MALRD1: variants seen among roughly 807,000 people sequenced by gnomAD.
MALRD1 encodes MAM and LDL-receptor class A domain-containing protein 1.
MALRD1 carries 247 observed loss-of-function variants against 242.1 expected under a neutral mutation model. That is an observed-to-expected ratio of 1.02 (90% CI 0.92 to 1.13). The LOEUF (loss-of-function observed/expected upper bound fraction) is 1.13, where lower values mean the gene tolerates loss of function less well. MALRD1 is among the 50% of genes most tolerant of loss of function. The pLI is 0.00. For synonymous variants in MALRD1, 995 were observed against 866.6 expected (o/e 1.15, Z -2.60); for missense variants, 2,989 against 2,533.1 (o/e 1.18, Z -3.86).
At chr10:19,066,975 A>T (rs1835000182) in intron 2 of MALRD1, 116 bp downstream of exon 2, 1 of 706,116 alleles carries the variant, frequency 1.4e-6, no homozygotes, top group East Asian at 3.4e-5. Context: ...CACATGTTTA[A>T]TTAGGGAAGC....
In MALRD1 at chr10:19,331,366, T is replaced by G. The variant is rs768048343; in HGVS notation, c.3688-3T>G. 5 of 1,549,128 alleles carry G rather than the reference T, an allele frequency of 3.2e-6. No individual in the cohort carries two copies. In the East Asian group the frequency reaches 1.2e-4, roughly 38 times the overall value. On this transcript the variant is annotated splice_region_variant and splice_polypyrimidine_tract_variant and intron_variant, in intron 23 of 39. Coordinates refer to ENST00000454679, the MANE Select transcript of MALRD1 (RefSeq NM_001142308.3). The stretch of plus-strand genomic sequence containing the variant: ...TTTAACTGTAACTGGCTTTTTTTTT[T>G]AGATTGTCTTCAGAGCCAAACGTGG...
chr10:19,284,280 T>A (rs1463591468), intron 21 of MALRD1, among the ~76,000 whole-genome samples: 1 of 151,970 alleles, frequency 6.6e-6, no homozygotes, highest in African/African-American at 2.4e-5. Context: ...CTTTAAGTTT[T>A]AGGGTACATG....
intron 29 of MALRD1, among the ~76,000 whole-genome samples, chr10:19,482,361 A>T (rs1021439057): frequency 5.9e-5 from 9 of 152,072 alleles, no homozygotes; most frequent in Non-Finnish European, 1.0e-4. Context: ...TCATGTATTA[A>T]AAAGCTAAAA....
intron 21 of MALRD1, among the ~76,000 whole-genome samples, chr10:19,287,499 TG>T (rs1276466580): frequency 6.6e-6 from 1 of 152,092 alleles, no homozygotes; most frequent in African/African-American, 2.4e-5. Context: ...GCATGATGAT[TG>T]TTTCCTTTGT....
chr10:19,539,125 G>C (rs1003707050), intron 32 of MALRD1, among the ~76,000 whole-genome samples: 7 of 152,148 alleles, frequency 4.6e-5, no homozygotes, highest in African/African-American at 1.4e-4. Context: ...GACTTAATAA[G>C]ATCAGATGGT....
At chr10:19,695,605 C>A (rs1833345518) in intron 38 of MALRD1, among the ~76,000 whole-genome samples, 1 of 151,632 alleles carries the variant, frequency 6.6e-6, no homozygotes. Flanking sequence ...CTGCCACCTC[C>A]ACCACCTGAG....
intron 1 of MALRD1, among the ~76,000 whole-genome samples, chr10:19,062,357 GA>G (rs953153496): frequency 1.7e-4 from 26 of 152,132 alleles, no homozygotes; most frequent in African/African-American, 6.3e-4. Flanking sequence ...AGCCACTTTT[GA>G]AAACAGATGG....
At chr10:19,495,722 G>A (rs1837685011) in intron 30 of MALRD1, among the ~76,000 whole-genome samples, 1 of 152,132 alleles carries the variant, frequency 6.6e-6, no homozygotes, top group South Asian at 2.1e-4. Context: ...TCCATGCATT[G>A]TCATGTTAAC....
chr10:19,306,013 ATATT>A (rs1243713687), intron 21 of MALRD1, among the ~76,000 whole-genome samples: 6 of 116,622 alleles, frequency 5.1e-5, no homozygotes, highest in Admixed American at 1.0e-4. Flanking sequence ...ATTATACTAT[ATATT>A]ATATATACTA....
At chr10:19,712,778 A>C (rs530034287) in intron 38 of MALRD1, among the ~76,000 whole-genome samples, 78 of 152,346 alleles carry the variant, frequency 5.1e-4, no homozygotes, top group Non-Finnish European at 8.5e-4. Flanking sequence ...GGAAACTCGG[A>C]GATATCACAT....
At chr10:19,229,781 A>G (rs994809599) in intron 18 of MALRD1, among the ~76,000 whole-genome samples, 1 of 152,008 alleles carries the variant, frequency 6.6e-6, no homozygotes, top group South Asian at 2.1e-4. Context: ...TGTAACCTCT[A>G]TATCTGCTGT....
At chr10:19,562,103 C>T (rs1394480804) in intron 32 of MALRD1, among the ~76,000 whole-genome samples, 1 of 152,110 alleles carries the variant, frequency 6.6e-6, no homozygotes, top group East Asian at 1.9e-4. Flanking sequence ...CAAGACCAGC[C>T]TGGCCAAGAT....
intron 38 of MALRD1, among the ~76,000 whole-genome samples, chr10:19,725,356 C>G (rs1322479639): frequency 2.0e-5 from 3 of 152,112 alleles, no homozygotes; most frequent in Non-Finnish European, 4.4e-5. Context: ...GGCTTTTGCT[C>G]TGCACTTCTG....
intron 34 of MALRD1, among the ~76,000 whole-genome samples, chr10:19,602,321 A>T (rs1337333209): frequency 1.4e-5 from 2 of 147,280 alleles, no homozygotes; most frequent in African/African-American, 5.0e-5. Flanking sequence ...CATTAGGTAT[A>T]TCTCCTAATG....
chr10:19,514,575 G>A (rs1017857180), intron 31 of MALRD1, among the ~76,000 whole-genome samples: 1 of 152,052 alleles, frequency 6.6e-6, no homozygotes, highest in South Asian at 2.1e-4. Context: ...GGATTACAGG[G>A]CAATGTGAAA....
intron 31 of MALRD1, among the ~76,000 whole-genome samples, chr10:19,523,918 A>T (rs1338723462): frequency 6.6e-6 from 1 of 152,162 alleles, no homozygotes; most frequent in Non-Finnish European, 1.5e-5. Flanking sequence ...TTTTTATTTA[A>T]GAGGCAATAA....
intron 21 of MALRD1, among the ~76,000 whole-genome samples, chr10:19,314,884 A>C (rs2132001924): frequency 6.6e-6 from 1 of 151,310 alleles, no homozygotes; most frequent in South Asian, 2.1e-4. Context: ...GTTAGGTATA[A>C]GTGTTATATA....
intron 21 of MALRD1, among the ~76,000 whole-genome samples, chr10:19,311,225 C>G (rs576867459): frequency 6.6e-6 from 1 of 151,344 alleles, no homozygotes; most frequent in Non-Finnish European, 1.5e-5. Flanking sequence ...ATTCTTAACT[C>G]ATGCACAGAT....
At chr10:19,662,837 A>G (rs1462964778) in intron 36 of MALRD1, among the ~76,000 whole-genome samples, 2 of 152,134 alleles carry the variant, frequency 1.3e-5, no homozygotes, top group African/African-American at 4.8e-5. Context: ...GAGATCACCC[A>G]GGTAAGTGGG....
Sources: allele counts gnomAD v4.1 joint callset (sites outside exome capture counted in the v4.1 genomes callset), GRCh38; gene constraint gnomAD v4.1.1; transcripts MANE v1.5; gene names NCBI Gene and HGNC (gene_info 2026-07-23, HGNC 2026-07-21).